The following ASAP3 variants were observed in gnomAD, a reference collection of about 807,000 sequenced individuals.
ASAP3 encodes the protein arf-GAP with SH3 domain, ANK repeat and PH domain-containing protein 3.
A neutral mutation model predicts 118.2 loss-of-function variants in ASAP3; 85 were observed. That is an observed-to-expected ratio of 0.72 (90% CI 0.60 to 0.86). The LOEUF is 0.86. Ranked by LOEUF, ASAP3 falls within the 40% of genes least tolerant of loss-of-function variation. The pLI is 0.00. For synonymous variants in ASAP3, 432 were observed against 477.4 expected (o/e 0.90, Z 1.24); for missense variants, 1,026 against 1,175.0 (o/e 0.87, Z 1.85).
At chr1:23,449,968 T>G (rs748864689) in intron 5 of ASAP3, among the ~76,000 whole-genome samples, 4 of 152,174 alleles carry the variant, frequency 2.6e-5, no homozygotes, top group African/African-American at 9.6e-5. Flanking sequence ...CAGCAAATCA[T>G]GAAGACAAGG....
chr1:23,444,681 G>T (rs539198535), intron 5 of ASAP3, among the ~76,000 whole-genome samples: 1 of 152,314 alleles, frequency 6.6e-6, no homozygotes, highest in East Asian at 1.9e-4. Context: ...ATGGTCTACG[G>T]TAAGTTCTCA....
At chr1:23,451,657 G>A (rs1365036721) in intron 4 of ASAP3, 129 bp from the exon 5 acceptor site, 3 of 989,838 alleles carry the variant, frequency 3.0e-6, no homozygotes, top group Non-Finnish European at 4.7e-6. Flanking sequence ...TCTCTAACCA[G>A]CCCCTGCCCC....
chr1:23,483,386 G>C (rs1376347388), intron 1 of ASAP3, among the ~76,000 whole-genome samples: 1 of 152,206 alleles, frequency 6.6e-6, no homozygotes, highest in Non-Finnish European at 1.5e-5. Context: ...AATGGGGTGG[G>C]GCAGCCTGCA....
At chr1:23,439,385 ACT>A (rs1357852591) in intron 10 of ASAP3, among the ~76,000 whole-genome samples, 155 bp from the exon 11 acceptor site, 6 of 151,488 alleles carry the variant, frequency 4.0e-5, no homozygotes, top group Non-Finnish European at 8.8e-5. Flanking sequence ...CTGACCCCTG[ACT>A]CTCTGGGGCT....
chr1:23,478,595 C>A (rs1642207592), intron 1 of ASAP3, among the ~76,000 whole-genome samples: 1 of 151,470 alleles, frequency 6.6e-6, no homozygotes, highest in African/African-American at 2.4e-5. Flanking sequence ...CCTGTCTCTA[C>A]TAGAAATACA....
At chr1:23,448,576 A>G (rs1641117126) in intron 5 of ASAP3, among the ~76,000 whole-genome samples, 1 of 151,810 alleles carries the variant, frequency 6.6e-6, no homozygotes, top group East Asian at 1.9e-4. Flanking sequence ...TACAGTCATT[A>G]GCCACCATGT....
chr1:23,435,998 C>G lies in ASAP3; in HGVS notation c.1602G>C (p.Lys534Asn). ...GGCGTGCAAACCTATGCTCCACATA[C>G]TTGGCCATAATGTAGTCCCTGCGGG... ...MGTRRDYIMA[K>N]YVEHRFARRC... The change falls in exon 17 of 25, where the codon AAG becomes AAC. Residue 534 changes from lysine to asparagine, a missense_variant. By Grantham distance (94) the Lys-to-Asn change is moderately conservative. Coordinates refer to ENST00000336689, the MANE Select transcript of ASAP3 (RefSeq NM_017707.4). The G allele has an allele frequency of 6.2e-7, 1 of 1,614,250 alleles. No individual in the cohort carries two copies. The highest frequency in any genetic ancestry group is 1.6e-4 in the Middle Eastern group (1 of 6,062).
chr1:23,462,083 G>A (rs1641609766), intron 1 of ASAP3, among the ~76,000 whole-genome samples: 1 of 151,800 alleles, frequency 6.6e-6, no homozygotes, highest in Non-Finnish European at 1.5e-5. Context: ...GAGTGCAGTG[G>A]CACAATCTCG....
intron 3 of ASAP3, among the ~76,000 whole-genome samples, chr1:23,455,524 G>A (rs72867723): frequency 0.013 from 2,025 of 152,226 alleles, 45 homozygotes; most frequent in African/African-American, 0.046. Context: ...GGTGGTGGTG[G>A]CAGTGGCAGC....
intron 1 of ASAP3, among the ~76,000 whole-genome samples, chr1:23,478,327 T>C (rs895140662): frequency 1.3e-5 from 2 of 151,888 alleles, no homozygotes; most frequent in African/African-American, 4.8e-5. Flanking sequence ...TAGCCAGGCA[T>C]GGTGGCGGGC....
In ASAP3 at chr1:23,434,310, T is replaced by C. The variant is rs745515586; in HGVS notation, c.1895A>G (p.Tyr632Cys). ...CAGCTTGAGGCAGTCGGGCTGGTTGTAGAGTGCTGCGTAGTGCAGAGCCGT... is the reference window on the plus strand; with the variant it reads ...CAGCTTGAGGCAGTCGGGCTGGTTGCAGAGTGCTGCGTAGTGCAGAGCCGT... ...GNTALHYAAL[Y>C]NQPDCLKLLL... The change falls in exon 19 of 25, where the codon TAC becomes TGC. Residue 632 changes from tyrosine (Y) to cysteine (C), a missense_variant. Coordinates refer to ENST00000336689, the MANE Select transcript of ASAP3 (RefSeq NM_017707.4). 2 of 1,614,092 alleles carry C rather than the reference T, an allele frequency of 1.2e-6. No homozygotes were observed. The highest frequency in any genetic ancestry group is 1.7e-5 in the Admixed American group (1 of 60,016).
chr1:23,462,444 T>C (rs1641624280), intron 1 of ASAP3, among the ~76,000 whole-genome samples: 1 of 151,940 alleles, frequency 6.6e-6, no homozygotes. Flanking sequence ...TTCATTCAAT[T>C]AGTTATTGAG....
chr1:23,430,989 A>AGGCACCCTGCCACC, intron 24 of ASAP3, 46 bp downstream of exon 24: 1 of 1,482,788 alleles, frequency 6.7e-7, no homozygotes, highest in East Asian at 2.5e-5. Context: ...TCTGCCTCCC[A>AGGCACCCTGCCACC]GGCACCCTGC....
intron 1 of ASAP3, among the ~76,000 whole-genome samples, chr1:23,472,255 G>A (rs1357973024): frequency 6.6e-6 from 1 of 152,192 alleles, no homozygotes; most frequent in East Asian, 1.9e-4. Flanking sequence ...CTGAATGAGA[G>A]GAAATCTACC....
intron 1 of ASAP3, chr1:23,480,201 T>A (rs1490665685): frequency 6.6e-6 from 1 of 152,164 alleles, no homozygotes; most frequent in African/African-American, 2.4e-5. Flanking sequence ...CTTGTCCAAT[T>A]AAAACTTTCT....
intron 1 of ASAP3, among the ~76,000 whole-genome samples, chr1:23,457,435 G>A (rs1641425336): frequency 6.6e-6 from 1 of 152,206 alleles, no homozygotes; most frequent in African/African-American, 2.4e-5. Flanking sequence ...AGAGGCCGGT[G>A]GCATGTGGGA....
In ASAP3 at chr1:23,437,470, T is replaced by G. The variant is rs1558119506; in HGVS notation, c.1105A>C (p.Asn369His). The G allele has an allele frequency of 1.2e-6, 2 of 1,614,094 alleles. No individual in the cohort carries two copies. The highest frequency in any genetic ancestry group is 3.3e-5 in the Admixed American group (2 of 60,010). The change falls in exon 13 of 25, where the codon AAC (asparagine) becomes CAC (histidine). Residue 369 changes from asparagine to histidine, a missense_variant and splice_region_variant. By Grantham distance (68) the Asn-to-His change is moderately conservative. Coordinates refer to ENST00000336689, the MANE Select transcript of ASAP3 (RefSeq NM_017707.4). This position sits in a 1 kb window ranked among gnomAD's most constrained non-coding sequence, Gnocchi z 6.1. ...TCTGCCTGAAAGTGGTACGTCCGGT[T>G]GTCTGTCGGGAGAGAAGGGGGCTTC... is the stretch of plus-strand genomic sequence containing the variant. ...EKKCFDLVTH[N>H]RTYHFQAEDE...
At chr1:23,433,562 A>C (rs565362480) in intron 20 of ASAP3, 30 bp from the exon 21 acceptor site, 2 of 1,614,016 alleles carry the variant, frequency 1.2e-6, no homozygotes, top group Non-Finnish European at 1.7e-6. Context: ...GGTGGTTCAG[A>C]GGGTTGGGGG....
At chr1:23,446,312 GAAT>G (rs1641044586) in intron 5 of ASAP3, among the ~76,000 whole-genome samples, 1 of 152,170 alleles carries the variant, frequency 6.6e-6, no homozygotes, top group Non-Finnish European at 1.5e-5. Context: ...TGGAAAATGA[GAAT>G]AATACTGTAG....
Sources: gnomAD v4.1 joint callset for allele counts (sites outside exome capture counted in the v4.1 genomes callset) on GRCh38, gnomAD v4.1.1 for gene constraint, Gnocchi (gnomAD v3.1) non-coding constraint, MANE v1.5 for transcripts, NCBI Gene and HGNC (gene_info 2026-07-23, HGNC 2026-07-21) for gene names.